Variants in ATP2B1 observed in about 807,000 individuals in gnomAD.
ATP2B1 encodes the protein ATPase plasma membrane Ca2+ transporting 1.
In ATP2B1, 14 loss-of-function variants were observed where a neutral mutation model predicts 124.2. The observed-to-expected ratio is 0.11, with a 90% CI of 0.07 to 0.18. The LOEUF is 0.18. Among genes scored for constraint, ATP2B1 ranks in the 10% least tolerant of loss-of-function variants. The pLI is 1.00. For missense variants in ATP2B1, 763 were observed against 1,466.1 expected (o/e 0.52, Z 7.83); for synonymous variants, 449 against 492.4 (o/e 0.91, Z 1.17).
chr12:89,654,128 T>C (rs1885654429), intron 2 of ATP2B1, among the ~76,000 whole-genome samples: 1 of 152,230 alleles, frequency 6.6e-6, no homozygotes. Flanking sequence ...TCTAAGATGC[T>C]ATATAACATC....
At chr12:89,641,311 G>A (rs978855637) in intron 3 of ATP2B1, among the ~76,000 whole-genome samples, 1 of 152,154 alleles carries the variant, frequency 6.6e-6, no homozygotes, top group Non-Finnish European at 1.5e-5. Flanking sequence ...ACGCTATAAT[G>A]TATTTCTCTA....
At chr12:89,693,594 T>C (rs184607265) in intron 1 of ATP2B1, among the ~76,000 whole-genome samples, 1 of 52,738 alleles carries the variant, frequency 1.9e-5, no homozygotes, top group Admixed American at 2.5e-4. Flanking sequence ...TGAATTCTTA[T>C]TTTTTACTTT....
In ATP2B1 at chr12:89,603,283, A is replaced by G; in HGVS notation, c.2849-29T>C. The G allele has an allele frequency of 6.6e-7, 1 of 1,514,356 alleles. No individual in the cohort carries two copies. The highest frequency in any genetic ancestry group is 9.0e-7 in the Non-Finnish European group (1 of 1,116,900). The allele number at this position is 1,514,356 out of a possible 1,614,324, so 93.8% of individuals were successfully genotyped here. A position where few individuals can be genotyped will look rare whatever the true frequency, so the allele number is the denominator to read the frequency against. On this transcript the variant is annotated intron_variant, in intron 17 of 20. Transcript: ENST00000428670. The surrounding 1 kb of genome is among the most constrained non-coding windows in gnomAD (Gnocchi z 4.3). Reference sequence around the variant, plus strand: ...AAAGAATGAAAAATGACTATTTTGTAATTATCATACCAAATTAGATTTCAA... The same window carrying G: ...AAAGAATGAAAAATGACTATTTTGTGATTATCATACCAAATTAGATTTCAA...
chr12:89,697,064 C>A (rs1159070826), intron 1 of ATP2B1, among the ~76,000 whole-genome samples: 22 of 114,234 alleles, frequency 1.9e-4, no homozygotes, highest in African/African-American at 5.2e-4. Flanking sequence ...CTACTTCCTT[C>A]AAAAAAAAAA....
intron 2 of ATP2B1, among the ~76,000 whole-genome samples, chr12:89,649,394 A>G (rs944897222): frequency 2.0e-5 from 3 of 152,244 alleles, no homozygotes; most frequent in African/African-American, 7.2e-5. Flanking sequence ...CAGTCAAAGA[A>G]GATTGTTTTG....
intron 1 of ATP2B1, among the ~76,000 whole-genome samples, chr12:89,700,133 C>G (rs1891662127): frequency 6.6e-6 from 1 of 151,688 alleles, no homozygotes; most frequent in South Asian, 2.1e-4. Context: ...GGATTACAGG[C>G]AGGAGCCACT....
chr12:89,705,927 AT>A, intron 1 of ATP2B1, among the ~76,000 whole-genome samples: 1 of 152,176 alleles, frequency 6.6e-6, no homozygotes, highest in East Asian at 1.9e-4. Context: ...GGGCAGTAAT[AT>A]TTTGCGGTTT....
At chr12:89,706,047 G>A (rs1282598774) in intron 1 of ATP2B1, among the ~76,000 whole-genome samples, 1 of 152,134 alleles carries the variant, frequency 6.6e-6, no homozygotes, top group East Asian at 1.9e-4. Flanking sequence ...AAGAGACAGT[G>A]TTCCTTATAC....
intron 2 of ATP2B1, among the ~76,000 whole-genome samples, chr12:89,652,394 C>A (rs1885372395): frequency 6.6e-6 from 1 of 152,086 alleles, no homozygotes; most frequent in African/African-American, 2.4e-5. Context: ...TATCCCATGT[C>A]TGAAGAAAGT....
In ATP2B1 at chr12:89,630,661, T is replaced by C. The variant is rs773824804; in HGVS notation, c.788-16A>G. 5 of 1,437,306 alleles carry C rather than the reference T, an allele frequency of 3.5e-6. No individual in the cohort carries two copies. In the Admixed American group the frequency reaches 7.1e-5, roughly 20 times the overall value. 89.0% of individuals were successfully genotyped at this position (1,437,306 alleles called of 1,614,324 possible). A position where few individuals can be genotyped will look rare whatever the true frequency, so the allele number is the denominator to read the frequency against. On this transcript the variant is annotated splice_polypyrimidine_tract_variant and intron_variant, in intron 5 of 20. Transcript: ENST00000428670. Reference sequence around the variant, plus strand: ...ACATGAGTACCTATAACCAAAAACATAGTTTGTTTTTAAAAATACTGATAG... The same window carrying C: ...ACATGAGTACCTATAACCAAAAACACAGTTTGTTTTTAAAAATACTGATAG...
chr12:89,621,938 A>ATT (rs538339086), intron 9 of ATP2B1, 147 bp from the exon 10 acceptor site: 950 of 655,020 alleles, frequency 1.5e-3, no homozygotes, highest in South Asian at 2.7e-3. Flanking sequence ...TAATACTGAA[A>ATT]TTTTTTTTTT....
chr12:89,679,674 G>A (rs1889097096), intron 1 of ATP2B1, among the ~76,000 whole-genome samples: 1 of 152,164 alleles, frequency 6.6e-6, no homozygotes, highest in Non-Finnish European at 1.5e-5. Context: ...ATGCAAATCT[G>A]AGGGTACATC....
chr12:89,630,690 T>A, intron 5 of ATP2B1, 45 bp from the exon 6 acceptor site: 1 of 1,360,952 alleles, frequency 7.3e-7, no homozygotes, highest in Non-Finnish European at 9.6e-7. Context: ...CTGATAGATC[T>A]CCTTGCTACC....
intron 1 of ATP2B1, among the ~76,000 whole-genome samples, chr12:89,697,958 C>T (rs1346371111): frequency 1.3e-5 from 2 of 152,174 alleles, no homozygotes; most frequent in South Asian, 2.1e-4. Flanking sequence ...TCACTACCTC[C>T]GCCTCCTGGG....
Position 89,684,289 on chromosome 12 carries a change from C to A in ATP2B1, c.-222+24307G>T, listed in dbSNP as rs549423581. 2.0e-5 allele frequency among the ~76,000 whole-genome samples: 3 copies of A among 152,116 alleles called. 1 individual carries two copies. Among genetic ancestry groups the A allele is most frequent in the African/African-American group, 7.2e-5 (3 of 41,436 alleles). ...GAACTTTTATAAGCACATTAATGTTCTACATATTCAAAATGTAAAATTGAA... is the reference window on the plus strand; with the variant it reads ...GAACTTTTATAAGCACATTAATGTTATACATATTCAAAATGTAAAATTGAA... On this transcript the variant is annotated intron_variant, in intron 1 of 20. Transcript: ENST00000428670.
At chr12:89,706,071 AGGAAG>A in intron 1 of ATP2B1, among the ~76,000 whole-genome samples, 1 of 152,308 alleles carries the variant, frequency 6.6e-6, no homozygotes, top group African/African-American at 2.4e-5. Context: ...TGATTTGGGA[AGGAAG>A]GGAAGGGAAA....
chr12:89,621,415 TATAA>T (rs1302934841), intron 10 of ATP2B1, 130 bp downstream of exon 10: 6 of 634,510 alleles, frequency 9.5e-6, no homozygotes, highest in African/African-American at 1.9e-5. Flanking sequence ...AAAACCATTA[TATAA>T]ATAAATATAT....
chr12:89,657,023 A>G (rs1322484376), intron 1 of ATP2B1, among the ~76,000 whole-genome samples: 1 of 152,186 alleles, frequency 6.6e-6, no homozygotes, highest in East Asian at 1.9e-4. Context: ...AAGTCCTCCT[A>G]TTATACTAAT....
chr12:89,698,971 T>C (rs1361879522), intron 1 of ATP2B1, among the ~76,000 whole-genome samples: 2 of 152,194 alleles, frequency 1.3e-5, no homozygotes, highest in African/African-American at 4.8e-5. Context: ...GCTTCCAGCC[T>C]TCTGCAAGGA....
Sources: allele counts gnomAD v4.1 joint callset (sites outside exome capture counted in the v4.1 genomes callset), GRCh38; gene constraint gnomAD v4.1.1; non-coding constraint Gnocchi (gnomAD v3.1); transcripts MANE v1.5; gene names NCBI Gene and HGNC (gene_info 2026-07-23, HGNC 2026-07-21).